Variants in ASTN1 observed in about 807,000 individuals in gnomAD.
ASTN1 encodes the protein astrotactin-1.
In ASTN1, 41 loss-of-function variants were observed where a neutral mutation model predicts 140.7. The observed-to-expected ratio is 0.29, with a 90% CI of 0.23 to 0.38. ASTN1 has a LOEUF of 0.38. Ranked by LOEUF, ASTN1 falls within the 10% of genes least tolerant of loss-of-function variation. ASTN1 has a pLI of 1.00. For missense variants in ASTN1, 1,479 were observed against 1,678.8 expected (o/e 0.88, Z 2.08); for synonymous variants, 640 against 652.2 (o/e 0.98, Z 0.29).
Position 176,868,996 on chromosome 1 carries a change from A to G in ASTN1, c.3495T>C (p.Asn1165=), listed in dbSNP as rs749428531. ...GCTGCTCCTTCCCACTAGTGTAGCCATTGAAGAGATTGTAGATCTTGTCTG... is the reference window on the plus strand; with the variant it reads ...GCTGCTCCTTCCCACTAGTGTAGCCGTTGAAGAGATTGTAGATCTTGTCTG... ...EIADKIYNLF[N]GYTSGKEQQT... Residue 1165 remains asparagine (N), a synonymous_variant, in exon 22 of 23, where the codon AAT becomes AAC. Coordinates refer to ENST00000361833, the MANE Select transcript of ASTN1 (RefSeq NM_004319.3). 13 of 1,601,660 alleles carry G rather than the reference A, an allele frequency of 8.1e-6. No homozygotes were observed. In the Admixed American group the frequency reaches 1.5e-4, roughly 19 times the overall value.
rs534542705 is a variant in ASTN1, at chr1:177,014,546, A to T, written c.1523+245T>A. Among the ~76,000 whole-genome samples the T allele has an allele frequency of 2.6e-5, 4 of 152,238 alleles. No individual in the cohort carries two copies. In the East Asian group the frequency reaches 7.7e-4, roughly 29 times the overall value. On this transcript the variant is annotated intron_variant, in intron 8 of 22. Transcript: ENST00000361833. ...TGAAAAGGAAGAGAGGGACAGCTTG[A>T]TTTTCAGATCCCAGCTGGAAGCTGC...
chr1:177,002,629 G>A (rs1049838676), intron 8 of ASTN1, among the ~76,000 whole-genome samples: 24 of 151,990 alleles, frequency 1.6e-4, no homozygotes, highest in Non-Finnish European at 7.4e-5. Flanking sequence ...AACAAGATAC[G>A]CAGTGGCAAA....
chr1:177,078,762 T>A (rs1286862769), intron 1 of ASTN1, among the ~76,000 whole-genome samples: 1 of 152,150 alleles, frequency 6.6e-6, no homozygotes, highest in Admixed American at 6.5e-5. Flanking sequence ...CAGATAATGA[T>A]GCTGGAAAGG....
intron 1 of ASTN1, among the ~76,000 whole-genome samples, chr1:177,150,923 A>G (rs1683004200): frequency 6.6e-6 from 1 of 152,178 alleles, no homozygotes; most frequent in South Asian, 2.1e-4. Context: ...AACAGAGACC[A>G]TATGGTCTAA....
At chr1:177,064,387 G>A (rs1294780800) in intron 1 of ASTN1, among the ~76,000 whole-genome samples, 1 of 152,158 alleles carries the variant, frequency 6.6e-6, no homozygotes, top group Non-Finnish European at 1.5e-5. Context: ...TCACAAAGTT[G>A]TGCAGCCACA....
intron 21 of ASTN1, among the ~76,000 whole-genome samples, chr1:176,870,963 A>G (rs528069241): frequency 6.6e-6 from 1 of 152,334 alleles, no homozygotes; most frequent in South Asian, 2.1e-4. Flanking sequence ...AGGCCAAGTT[A>G]CCTACCTGCC....
intron 1 of ASTN1, among the ~76,000 whole-genome samples, chr1:177,157,755 G>A (rs779288409): frequency 1.1e-4 from 16 of 151,590 alleles, no homozygotes; most frequent in Admixed American, 3.3e-4. Context: ...GGTAACACTC[G>A]TATTTTATTT....
At chr1:177,151,179 A>T (rs1373998282) in intron 1 of ASTN1, among the ~76,000 whole-genome samples, 1 of 152,022 alleles carries the variant, frequency 6.6e-6, no homozygotes, top group African/African-American at 2.4e-5. Flanking sequence ...GGAGAGTGAA[A>T]TTGTATGGGC....
intron 8 of ASTN1, among the ~76,000 whole-genome samples, chr1:176,968,292 C>T (rs1434755668): frequency 5.3e-5 from 8 of 152,244 alleles, no homozygotes. Flanking sequence ...TGATCAATTA[C>T]ATGCATCAAA....
chr1:176,973,618 T>A (rs1468220812), intron 8 of ASTN1, among the ~76,000 whole-genome samples: 1 of 152,136 alleles, frequency 6.6e-6, no homozygotes, highest in Non-Finnish European at 1.5e-5. Flanking sequence ...CCAGATCACC[T>A]TTTCATACCT....
At chr1:176,995,397 A>T (rs762470321) in intron 8 of ASTN1, among the ~76,000 whole-genome samples, 3 of 152,224 alleles carry the variant, frequency 2.0e-5, no homozygotes, top group Non-Finnish European at 4.4e-5. Context: ...TCAGATGGGT[A>T]TCTCAGATGA....
rs2101880392 is a variant in ASTN1 at position 176,981,067 on chromosome 1, C to T, written c.1524-15830G>A. On this transcript the variant is annotated intron_variant, in intron 8 of 22. Transcript: ENST00000361833. ...TTTCTACTAAAAATACAAAAATTAG[C>T]TGGGCGTGGTACCAGGTGCCTGTAA... Among the ~76,000 whole-genome samples, 4 of 151,712 alleles carry T rather than the reference C, an allele frequency of 2.6e-5. 1 individual carries two copies. The Middle Eastern group carries it at 0.01, about 390-fold the overall frequency.
At chr1:177,158,191 CA>C (rs1296023987) in intron 1 of ASTN1, among the ~76,000 whole-genome samples, 1 of 152,128 alleles carries the variant, frequency 6.6e-6, no homozygotes, top group Non-Finnish European at 1.5e-5. Context: ...TTACCGTCAA[CA>C]ATTTGATTGT....
At position 176,921,690 on chromosome 1, in the gene ASTN1, A is replaced by G. The variant is rs537877917; in HGVS notation, c.2671+12462T>C. ...GTTTAATCACTTGGTTTTTATGTCC[A>G]GCCTGTTCTTTTAATGCCAAATTCC... On this transcript the variant is annotated intron_variant, in intron 16 of 22. Coordinates refer to ENST00000361833, the MANE Select transcript of ASTN1 (RefSeq NM_004319.3). Among the ~76,000 whole-genome samples, 9 of 152,328 alleles carry G rather than the reference A, an allele frequency of 5.9e-5. No individual in the cohort carries two copies. In the East Asian group the frequency reaches 1.2e-3, roughly 20 times the overall value.
chr1:177,164,124 G>A (rs1231747644), intron 1 of ASTN1, among the ~76,000 whole-genome samples: 2 of 152,110 alleles, frequency 1.3e-5, no homozygotes, highest in African/African-American at 4.8e-5. Flanking sequence ...GGCTGGGAGA[G>A]GTTTCAGAGA....
chr1:177,005,280 AT>A (rs1674936742), intron 8 of ASTN1, among the ~76,000 whole-genome samples: 1 of 152,200 alleles, frequency 6.6e-6, no homozygotes, highest in East Asian at 1.9e-4. Context: ...ATGAGATACC[AT>A]TTTACCCCAA....
At chr1:176,930,475 A>G (rs1314977619) in intron 16 of ASTN1, among the ~76,000 whole-genome samples, 1 of 152,206 alleles carries the variant, frequency 6.6e-6, no homozygotes, top group Non-Finnish European at 1.5e-5. Context: ...ACAAAACCCC[A>G]TGAAATGACC....
chr1:177,010,246 C>T (rs1009946424), intron 8 of ASTN1, among the ~76,000 whole-genome samples: 13 of 152,084 alleles, frequency 8.5e-5, no homozygotes, highest in African/African-American at 2.9e-4. Flanking sequence ...CTTTAATAGT[C>T]TGTGTTTAAT....
chr1:176,973,247 C>T (rs1673217974), intron 8 of ASTN1, among the ~76,000 whole-genome samples: 1 of 152,170 alleles, frequency 6.6e-6, no homozygotes, highest in Non-Finnish European at 1.5e-5. Flanking sequence ...CAACTTTCTA[C>T]CTCCTGGATG....
Sources: gnomAD v4.1 joint callset for allele counts (sites outside exome capture counted in the v4.1 genomes callset) on GRCh38, gnomAD v4.1.1 for gene constraint, MANE v1.5 for transcripts, NCBI Gene and HGNC (gene_info 2026-07-23, HGNC 2026-07-21) for gene names.